CAPN13: variants seen among roughly 807,000 people sequenced by gnomAD.
The protein encoded by CAPN13 is calpain-13.
CAPN13 carries 90 observed loss-of-function variants against 98.4 expected under a neutral mutation model. The observed-to-expected ratio is 0.92, with a 90% CI of 0.77 to 1.09. CAPN13 has a LOEUF of 1.09. Among genes scored for constraint, CAPN13 ranks in the 50% least tolerant of loss-of-function variants. The pLI is 0.00. For missense variants in CAPN13, 887 were observed against 841.3 expected (o/e 1.05, Z -0.67); for synonymous variants, 330 against 305.5 (o/e 1.08, Z -0.84).
intron 2 of CAPN13, among the ~76,000 whole-genome samples, chr2:30,782,212 T>A (rs2030383): frequency 6.1e-4 from 92 of 151,914 alleles, no homozygotes; most frequent in Non-Finnish European, 1.1e-3. Flanking sequence ...GACAGCACTC[T>A]TCATATTTCT....
intron 1 of CAPN13, among the ~76,000 whole-genome samples, chr2:30,787,736 C>T (rs980221955): frequency 1.5e-4 from 23 of 152,054 alleles, no homozygotes; most frequent in Non-Finnish European, 2.2e-4. Context: ...GGAAAGGTCA[C>T]GGGGTGTTGG....
chr2:30,788,310 C>T (rs1674428427), intron 1 of CAPN13, among the ~76,000 whole-genome samples: 1 of 152,144 alleles, frequency 6.6e-6, no homozygotes, highest in African/African-American at 2.4e-5. Context: ...AGCAGAGTGA[C>T]AGGCATGCAG....
chr2:30,780,340 T>A (rs1158479380), intron 2 of CAPN13, among the ~76,000 whole-genome samples: 1 of 152,202 alleles, frequency 6.6e-6, no homozygotes, highest in Non-Finnish European at 1.5e-5. Context: ...CACACAGACA[T>A]ACCAGACTTA....
intron 8 of CAPN13, among the ~76,000 whole-genome samples, chr2:30,755,125 A>AC (rs1372321021): frequency 2.7e-5 from 4 of 148,570 alleles, no homozygotes; most frequent in East Asian, 2.0e-4. Context: ...TTAAAACACC[A>AC]CCCCCCCAAG....
At chr2:30,788,051 G>T (rs546347758) in intron 1 of CAPN13, among the ~76,000 whole-genome samples, 10 of 152,140 alleles carry the variant, frequency 6.6e-5, no homozygotes, top group Middle Eastern at 3.4e-3. Context: ...GGACAGATTT[G>T]GTGTAACTTT....
At chr2:30,755,934 T>G (rs6739240) in intron 8 of CAPN13, among the ~76,000 whole-genome samples, 10,529 of 152,146 alleles carry the variant, frequency 0.069, 1,184 homozygotes, top group African/African-American at 0.24. Flanking sequence ...GACCATCCGG[T>G]GCTCTCCATC....
intron 5 of CAPN13, 147 bp downstream of exon 5, chr2:30,770,166 A>C (rs1673323969): frequency 8.1e-6 from 9 of 1,108,582 alleles, no homozygotes; most frequent in Non-Finnish European, 8.9e-6. Context: ...GATGGCCCCA[A>C]CATGGACCTT....
chr2:30,795,461 G>A (rs1218589452), intron 1 of CAPN13, among the ~76,000 whole-genome samples: 1 of 152,050 alleles, frequency 6.6e-6, no homozygotes, highest in East Asian at 1.9e-4. Flanking sequence ...CATCACGTGG[G>A]AGTAGGTGGT....
At chr2:30,776,692 C>T (rs896220466) in intron 3 of CAPN13, among the ~76,000 whole-genome samples, 2 of 152,206 alleles carry the variant, frequency 1.3e-5, no homozygotes, top group Non-Finnish European at 2.9e-5. Flanking sequence ...CGAGTTTCTC[C>T]TTGGATGTCG....
In CAPN13 at chr2:30,788,198, G is replaced by A. The variant is rs554273289; in HGVS notation, c.-32-841C>T. Among the ~76,000 whole-genome samples, 5 of 152,304 alleles carry A rather than the reference G, an allele frequency of 3.3e-5. No homozygotes were observed. In the East Asian group the frequency reaches 5.8e-4, roughly 18 times the overall value. ...ACATACTGCTTCTGCAATTTGGAGC[G>A]AATATTCAAGCCTGTGAACCTATTT... On this transcript the variant is annotated intron_variant, in intron 1 of 22. Transcript: ENST00000295055.
rs1327697822 is a variant in CAPN13, at chr2:30,732,516, G to A, written c.1849C>T (p.Leu617Phe). The change falls in exon 20 of 23, where the codon CTC (leucine) becomes TTC (phenylalanine). Residue 617 changes from leucine (L) to phenylalanine (F), a missense_variant. Leu to Phe is a conservative substitution (Grantham distance 22). Transcript: ENST00000295055. ...ISRELLHLVT[L>F]RYSDSVGRVS... ...CTGCCGACGCTGTCGCTGTACCTGAGGGTCACCAGATGCAGCAGCTCACGG... is the reference window on the plus strand; with the variant it reads ...CTGCCGACGCTGTCGCTGTACCTGAAGGTCACCAGATGCAGCAGCTCACGG... The A allele has an allele frequency of 2.5e-6, 4 of 1,611,874 alleles. No individual in the cohort carries two copies. The highest frequency in any genetic ancestry group is 3.4e-6 in the Non-Finnish European group (4 of 1,179,074).
At chr2:30,744,200 G>C (rs1236075031) in intron 12 of CAPN13, among the ~76,000 whole-genome samples, 1 of 152,168 alleles carries the variant, frequency 6.6e-6, no homozygotes. Flanking sequence ...CCCCACTATA[G>C]TCAAGCATAG....
At chr2:30,775,593 A>G (rs921037611) in intron 4 of CAPN13, among the ~76,000 whole-genome samples, 3 of 152,208 alleles carry the variant, frequency 2.0e-5, no homozygotes, top group African/African-American at 7.2e-5. Flanking sequence ...AGATGTTACC[A>G]CTTCCTATAA....
intron 5 of CAPN13, among the ~76,000 whole-genome samples, chr2:30,766,462 T>A (rs986293336): frequency 6.6e-6 from 1 of 152,244 alleles, no homozygotes; most frequent in Non-Finnish European, 1.5e-5. Flanking sequence ...CAAGGAGCTA[T>A]CTTTCTGCTT....
chr2:30,732,390 T>A (rs770389174), intron 20 of CAPN13, 48 bp downstream of exon 20: 1 of 1,609,006 alleles, frequency 6.2e-7, no homozygotes, highest in Admixed American at 1.7e-5. Flanking sequence ...TCTCCTGTGT[T>A]CTTCGGTCAC....
chr2:30,729,878 C>G (rs1159101120), intron 22 of CAPN13: 1 of 152,088 alleles, frequency 6.6e-6, no homozygotes, highest in African/African-American at 2.4e-5. Context: ...AGAATGGTCA[C>G]CAGGAGGTCT....
chr2:30,774,101 TGA>T (rs572018236), intron 4 of CAPN13, among the ~76,000 whole-genome samples: 96 of 152,032 alleles, frequency 6.3e-4, no homozygotes, highest in African/African-American at 2.2e-3. Flanking sequence ...AACCCCTATA[TGA>T]AAAAAGATAC....
intron 6 of CAPN13, 85 bp downstream of exon 6, chr2:30,764,047 C>A: frequency 7.3e-7 from 1 of 1,367,660 alleles, no homozygotes. Flanking sequence ...CTTGCCACAT[C>A]CTCCTTAGCT....
At chr2:30,779,253 G>C (rs981531391) in intron 2 of CAPN13, among the ~76,000 whole-genome samples, 9 of 152,216 alleles carry the variant, frequency 5.9e-5, no homozygotes, top group African/African-American at 9.6e-5. Flanking sequence ...CATTCAGACA[G>C]ACCTGTTGTG....
Sources: allele counts gnomAD v4.1 joint callset (sites outside exome capture counted in the v4.1 genomes callset), GRCh38; gene constraint gnomAD v4.1.1; transcripts MANE v1.5; gene names NCBI Gene and HGNC (gene_info 2026-07-23, HGNC 2026-07-21).